The following KLF12 variants were observed in gnomAD, a reference collection of about 807,000 sequenced individuals.
The protein encoded by KLF12 is KLF transcription factor 12.
Under a neutral mutation model 37.8 loss-of-function variants are expected in KLF12, and 9 were observed. The observed-to-expected ratio is 0.24, with a 90% CI of 0.14 to 0.42. KLF12 has a LOEUF of 0.42. Ranked by LOEUF, KLF12 falls within the 10% of genes least tolerant of loss-of-function variation. The pLI is 1.00. For synonymous variants in KLF12, 208 were observed against 202.1 expected (o/e 1.03, Z -0.25); for missense variants, 411 against 516.0 (o/e 0.80, Z 1.97).
chr13:73,735,580 G>A (rs1346377422), intron 6 of KLF12, among the ~76,000 whole-genome samples: 2 of 152,062 alleles, frequency 1.3e-5, no homozygotes, highest in Non-Finnish European at 2.9e-5. Context: ...GGAACCACCT[G>A]AGCATTGGCC....
At position 73,783,260 on chromosome 13, in the gene KLF12, TG is replaced by T. The variant is rs760367075; in HGVS notation, c.807-18261del. ...AACATCACATGTTCTCACTCATATGTGGGAGTTAAAAAGGTTGATCTCATGG... is the reference window on the plus strand; with the variant it reads ...AACATCACATGTTCTCACTCATATGTGGAGTTAAAAAGGTTGATCTCATGG... On this transcript the variant is annotated intron_variant, in intron 5 of 7. Coordinates refer to ENST00000377669, the MANE Select transcript of KLF12 (RefSeq NM_007249.5). Among the ~76,000 whole-genome samples, 153 of 152,214 alleles carry T rather than the reference TG, an allele frequency of 1.0e-3. 2 individuals are homozygous for T. Among genetic ancestry groups the T allele is most frequent in the Non-Finnish European group, 9.3e-4 (63 of 68,016 alleles).
At chr13:73,844,382 A>G (rs948860399) in intron 4 of KLF12, among the ~76,000 whole-genome samples, 2 of 152,208 alleles carry the variant, frequency 1.3e-5, no homozygotes, top group Non-Finnish European at 2.9e-5. Flanking sequence ...AAATCCATGA[A>G]AAGTTTCCCT....
intron 3 of KLF12, among the ~76,000 whole-genome samples, chr13:73,867,191 TGTA>T (rs1232411544): frequency 6.6e-6 from 1 of 151,964 alleles, no homozygotes; most frequent in Non-Finnish European, 1.5e-5. Flanking sequence ...AAAACTTAAA[TGTA>T]GTAACTCTTA....
At chr13:74,289,308 TC>T in the KLF12 span, 1 of 152,166 alleles carries the variant, frequency 6.6e-6, no homozygotes, top group Non-Finnish European at 1.5e-5. Context: ...TCTGGTGACA[TC>T]GTCGTTAATG....
At chr13:73,814,606 G>A (rs904690381) in intron 4 of KLF12, among the ~76,000 whole-genome samples, 3 of 152,122 alleles carry the variant, frequency 2.0e-5, no homozygotes, top group African/African-American at 4.8e-5. Context: ...ATACCAAAAC[G>A]TGCTTTGCAC....
At chr13:73,805,054 T>G (rs1330775622) in intron 5 of KLF12, among the ~76,000 whole-genome samples, 2 of 152,202 alleles carry the variant, frequency 1.3e-5, no homozygotes, top group Non-Finnish European at 2.9e-5. Flanking sequence ...GCCCAAACAT[T>G]CTCAAGTTTT....
intron 2 of KLF12, among the ~76,000 whole-genome samples, chr13:73,953,335 TCAAC>T (rs1386258117): frequency 6.6e-6 from 1 of 152,022 alleles, no homozygotes; most frequent in East Asian, 1.9e-4. Context: ...AAAAATGCTA[TCAAC>T]CAATCCTCTG....
At chr13:73,858,475 G>A (rs1885727734) in intron 3 of KLF12, among the ~76,000 whole-genome samples, 1 of 152,174 alleles carries the variant, frequency 6.6e-6, no homozygotes, top group Admixed American at 6.5e-5. Context: ...ATCCCAAACT[G>A]CTGCATTACC....
chr13:73,931,048 G>A (rs1889650552), intron 3 of KLF12, among the ~76,000 whole-genome samples: 2 of 151,860 alleles, frequency 1.3e-5, no homozygotes, highest in Admixed American at 1.3e-4. Flanking sequence ...AGTAGAGATG[G>A]TGTTTCTCCA....
At chr13:74,013,947 T>TG (rs1299444553) in intron 1 of KLF12, among the ~76,000 whole-genome samples, 1 of 152,072 alleles carries the variant, frequency 6.6e-6, no homozygotes, top group Non-Finnish European at 1.5e-5. Flanking sequence ...TCAGAGTAGT[T>TG]GGGACTACAA....
intron 5 of KLF12, chr13:73,802,238 C>T (rs1882317001): frequency 6.6e-6 from 1 of 151,848 alleles, no homozygotes; most frequent in African/African-American, 2.4e-5. Flanking sequence ...AAGATTCATG[C>T]ACAAAAAATT....
the KLF12 span, among the ~76,000 whole-genome samples, chr13:74,251,782 G>T: frequency 2.1e-3 from 318 of 152,264 alleles, 2 homozygotes; most frequent in African/African-American, 6.8e-3. Context: ...AGACAAGTTG[G>T]CTGTGACATG....
chr13:73,750,503 C>T (rs1878667053), intron 6 of KLF12, among the ~76,000 whole-genome samples: 1 of 152,266 alleles, frequency 6.6e-6, no homozygotes, highest in African/African-American at 2.4e-5. Context: ...GAACATTACA[C>T]ACGGGCCAAC....
intron 2 of KLF12, among the ~76,000 whole-genome samples, chr13:73,972,766 A>C (rs1298030412): frequency 6.6e-6 from 1 of 150,986 alleles, no homozygotes; most frequent in African/African-American, 2.4e-5. Context: ...AGACTTAATG[A>C]ATCACCAGAA....
At chr13:74,129,205 TTACA>T (rs1212272331) in intron 1 of KLF12, among the ~76,000 whole-genome samples, 1 of 152,234 alleles carries the variant, frequency 6.6e-6, no homozygotes, top group Non-Finnish European at 1.5e-5. Flanking sequence ...TCTAGATTAC[TTACA>T]ATCACTTATA....
At chr13:73,834,759 G>A (rs866680876) in intron 4 of KLF12, among the ~76,000 whole-genome samples, 102 of 152,282 alleles carry the variant, frequency 6.7e-4, no homozygotes, top group African/African-American at 2.0e-3. Context: ...TGATCCACCC[G>A]CCACAGCCTC....
At chr13:73,818,104 G>A (rs1383344655) in intron 4 of KLF12, among the ~76,000 whole-genome samples, 1 of 152,096 alleles carries the variant, frequency 6.6e-6, no homozygotes, top group Non-Finnish European at 1.5e-5. Context: ...TTCTTCTTGG[G>A]CCCTAAGGGG....
At chr13:73,742,259 T>A (rs9318210) in intron 6 of KLF12, among the ~76,000 whole-genome samples, 92,019 of 151,980 alleles carry the variant, frequency 0.61, 30,181 homozygotes, top group East Asian at 0.86. Flanking sequence ...GAACATACAC[T>A]TTTTTTTACT....
chr13:74,094,772 G>T (rs947612602), intron 1 of KLF12, among the ~76,000 whole-genome samples: 1 of 151,908 alleles, frequency 6.6e-6, no homozygotes, highest in Non-Finnish European at 1.5e-5. Flanking sequence ...GCTAATTTTT[G>T]TATTTTTAGT....
Sources: allele counts gnomAD v4.1 joint callset (sites outside exome capture counted in the v4.1 genomes callset), GRCh38; gene constraint gnomAD v4.1.1; transcripts MANE v1.5; gene names NCBI Gene and HGNC (gene_info 2026-07-23, HGNC 2026-07-21).